The following TRAF5 variants were observed in gnomAD, a reference collection of about 807,000 sequenced individuals.
TRAF5 encodes the protein TNF receptor-associated factor 5.
In TRAF5, 48 loss-of-function variants were observed where a neutral mutation model predicts 64.5. That is an observed-to-expected ratio of 0.74 (90% CI 0.59 to 0.95). The LOEUF is 0.95. Among genes scored for constraint, TRAF5 ranks in the 40% least tolerant of loss-of-function variants. The pLI is 0.00. For missense variants in TRAF5, 545 were observed against 662.8 expected (o/e 0.82, Z 1.95); for synonymous variants, 206 against 240.5 (o/e 0.86, Z 1.33).
At chr1:211,328,458 T>A (rs1702074668) in intron 1 of TRAF5, among the ~76,000 whole-genome samples, 1 of 152,206 alleles carries the variant, frequency 6.6e-6, no homozygotes, top group Admixed American at 6.5e-5. Flanking sequence ...TCCCACGGCC[T>A]CTGGGCTGAG....
chr1:211,348,513 G>A (rs1296713815), intron 1 of TRAF5, among the ~76,000 whole-genome samples: 2 of 151,704 alleles, frequency 1.3e-5, no homozygotes, highest in Admixed American at 6.6e-5. Context: ...TTTCTTTCAC[G>A]GATTGTGCCC....
chr1:211,354,191 G>A (rs1015459289), intron 2 of TRAF5, among the ~76,000 whole-genome samples: 1 of 152,186 alleles, frequency 6.6e-6, no homozygotes, highest in South Asian at 2.1e-4. Context: ...CTCACTGACT[G>A]CATCCCAGAG....
chr1:211,351,863 G>C (rs544260437), intron 1 of TRAF5, among the ~76,000 whole-genome samples: 2 of 152,256 alleles, frequency 1.3e-5, no homozygotes, highest in Non-Finnish European at 2.9e-5. Flanking sequence ...CTTGATTACT[G>C]TAGCTTTATA....
intron 1 of TRAF5, among the ~76,000 whole-genome samples, 176 bp downstream of exon 1, chr1:211,327,065 C>T (rs1294413171): frequency 6.6e-6 from 1 of 151,980 alleles, no homozygotes; most frequent in African/African-American, 2.4e-5. Context: ...CCGGGGGAGG[C>T]GGAGGGGCCC....
At chr1:211,365,234 C>T in intron 7 of TRAF5, 142 bp from the exon 8 acceptor site, 1 of 617,200 alleles carries the variant, frequency 1.6e-6, no homozygotes, top group Non-Finnish European at 2.7e-6. Context: ...ATTTTTCCTG[C>T]AACCCACCTA....
At chr1:211,371,279 G>C (rs753490257) in intron 9 of TRAF5, 23 bp from the exon 10 acceptor site, 26 of 1,560,466 alleles carry the variant, frequency 1.7e-5, no homozygotes, top group Non-Finnish European at 1.7e-5. Flanking sequence ...TTTTAAACAT[G>C]ATTATCCATT....
chr1:211,356,541 C>G, intron 4 of TRAF5, 73 bp downstream of exon 4: 4 of 1,303,416 alleles, frequency 3.1e-6, no homozygotes, highest in Non-Finnish European at 4.4e-6. Flanking sequence ...CTTTATGTGA[C>G]AGTTACTGAG....
chr1:211,350,354 C>T (rs558178320), intron 1 of TRAF5, among the ~76,000 whole-genome samples: 34 of 151,584 alleles, frequency 2.2e-4, no homozygotes, highest in Admixed American at 5.9e-4. Context: ...GTAGCTTGTG[C>T]GAAGGCCCTG....
chr1:211,349,931 C>T (rs369394666), intron 1 of TRAF5, among the ~76,000 whole-genome samples: 7 of 152,270 alleles, frequency 4.6e-5, no homozygotes, highest in African/African-American at 9.6e-5. Context: ...TGCCAACCTC[C>T]GCAGGAATGA....
At chr1:211,351,148 TC>T (rs1231308661) in intron 1 of TRAF5, among the ~76,000 whole-genome samples, 1 of 146,978 alleles carries the variant, frequency 6.8e-6, no homozygotes, top group African/African-American at 2.5e-5. Context: ...TGCCTCAGCC[TC>T]CCAAGTAGCT....
intron 1 of TRAF5, among the ~76,000 whole-genome samples, chr1:211,339,532 C>T (rs921051674): frequency 7.9e-5 from 12 of 152,196 alleles, no homozygotes; most frequent in Non-Finnish European, 2.9e-5. Context: ...CTGACAGGCT[C>T]AGTTGTGGGG....
chr1:211,361,856 C>T (rs544841623), intron 7 of TRAF5, among the ~76,000 whole-genome samples: 1 of 152,088 alleles, frequency 6.6e-6, no homozygotes, highest in Non-Finnish European at 1.5e-5. Flanking sequence ...GCCATCATGC[C>T]TGGCTAATTT....
rs35539677 is a variant in TRAF5, at chr1:211,363,910, CAA to C, written c.697-1445_697-1444del. On this transcript the variant is annotated intron_variant, in intron 7 of 10. Coordinates refer to ENST00000261464, the MANE Select transcript of TRAF5 (RefSeq NM_001033910.3). The stretch of plus-strand genomic sequence containing the variant: ...TGGGCAACAGAGTGAGACCCTGTCT[CAA>C]AAAAAAAAAAAAAAAAAAAAGCAGA... Among the ~76,000 whole-genome samples the C allele has an allele frequency of 8.3e-3, 713 of 85,734 alleles. 2 individuals carry two copies. Among genetic ancestry groups the C allele is most frequent in the African/African-American group, 0.011 (245 of 22,454 alleles). The allele number at this position is 85,734 out of a possible 152,430, so 56.2% of individuals were successfully genotyped here.
At chr1:211,363,910 C>CAAAAAAAA (rs35539677) in intron 7 of TRAF5, among the ~76,000 whole-genome samples, 1 of 85,746 alleles carries the variant, frequency 1.2e-5, no homozygotes, top group Non-Finnish European at 2.3e-5. Flanking sequence ...GACCCTGTCT[C>CAAAAAAAA]AAAAAAAAAA....
intron 4 of TRAF5, chr1:211,359,506 T>C (rs993736860): frequency 3.6e-5 from 6 of 166,796 alleles, no homozygotes; most frequent in African/African-American, 1.4e-4. Context: ...CCATACCTGA[T>C]GCTGGAGGTT....
chr1:211,372,053 A>G (rs1212866726), intron 10 of TRAF5, 75 bp from the exon 11 acceptor site: 1 of 1,357,492 alleles, frequency 7.4e-7, no homozygotes, highest in African/African-American at 1.5e-5. Flanking sequence ...AGGTAACAAA[A>G]TTCCACTTTG....
intron 1 of TRAF5, among the ~76,000 whole-genome samples, chr1:211,327,528 G>T (rs977892105): frequency 2.6e-5 from 4 of 152,076 alleles, no homozygotes; most frequent in Non-Finnish European, 5.9e-5. Context: ...GGAAGGAGTT[G>T]CCCAGAGGCA....
intron 1 of TRAF5, among the ~76,000 whole-genome samples, chr1:211,351,523 T>C (rs1702787234): frequency 6.6e-6 from 1 of 152,100 alleles, no homozygotes; most frequent in African/African-American, 2.4e-5. Context: ...TATATTTGTG[T>C]GCAAGGAGTC....
chr1:211,366,210 G>A (rs1020686389), intron 8 of TRAF5, among the ~76,000 whole-genome samples: 2 of 152,208 alleles, frequency 1.3e-5, no homozygotes, highest in Non-Finnish European at 2.9e-5. Flanking sequence ...GTTTACTACT[G>A]CAGATGATTT....
Sources: gnomAD v4.1 joint callset for allele counts (sites outside exome capture counted in the v4.1 genomes callset) on GRCh38, gnomAD v4.1.1 for gene constraint, MANE v1.5 for transcripts, NCBI Gene and HGNC (gene_info 2026-07-23, HGNC 2026-07-21) for gene names.